Variants in OSBPL9 observed in about 807,000 individuals in gnomAD.
The protein encoded by OSBPL9 is oxysterol binding protein like 9.
In OSBPL9, 40 loss-of-function variants were observed where a neutral mutation model predicts 106.6. The ratio of observed to expected loss-of-function variants is 0.38; its 90% CI spans 0.29 to 0.49. The LOEUF (loss-of-function observed/expected upper bound fraction) is 0.49. OSBPL9 is among the 20% of genes least tolerant of loss of function. The pLI is 0.97. For synonymous variants in OSBPL9, 269 were observed against 295.4 expected (o/e 0.91, Z 0.92); for missense variants, 609 against 887.2 (o/e 0.69, Z 3.98).
At chr1:51,665,725 A>G (rs929979268) in intron 2 of OSBPL9, among the ~76,000 whole-genome samples, 1 of 152,194 alleles carries the variant, frequency 6.6e-6, no homozygotes, top group African/African-American at 2.4e-5. Flanking sequence ...TCGAGTCTTC[A>G]AAGAAGCCTT....
rs1171732729 is a variant in OSBPL9 at position 51,784,316 on chromosome 1, T to C, written c.1677T>C (p.Asn559=). 4.3e-6 allele frequency: 7 copies of C among 1,613,772 alleles called. No individual in the cohort carries two copies. The highest frequency in any genetic ancestry group is 5.9e-6 in the Non-Finnish European group (7 of 1,179,740). ...YDEHYILTFP[N]GYGRSILTVP... is the part of the protein sequence containing the mutation. ...AACATTACATTCTCACATTCCCCAA[T>C]GGCTATGGAAGGCAAGTGTGTCCAT... Residue 559 remains asparagine, a synonymous_variant, in exon 19 of 24, where the codon AAT becomes AAC. Transcript: ENST00000428468.
chr1:51,760,513 T>G, intron 9 of OSBPL9, 177 bp from the exon 10 acceptor site: 2 of 820,254 alleles, frequency 2.4e-6, no homozygotes, highest in Non-Finnish European at 3.5e-6. Context: ...CTTACTATGC[T>G]TTAAGCAACT....
chr1:51,537,126 C>T, the OSBPL9 span, among the ~76,000 whole-genome samples: 1 of 152,212 alleles, frequency 6.6e-6, no homozygotes, highest in South Asian at 2.1e-4. Flanking sequence ...TGGCATTCTA[C>T]TGTAAGCAAG....
the OSBPL9 span, among the ~76,000 whole-genome samples, chr1:51,571,045 T>C: frequency 6.6e-6 from 1 of 152,148 alleles, no homozygotes; most frequent in Non-Finnish European, 1.5e-5. Context: ...GGTCTCGAAC[T>C]CCTGACAGGC....
At chr1:51,597,379 A>G (rs956282114) in intron 1 of OSBPL9, among the ~76,000 whole-genome samples, 1 of 151,336 alleles carries the variant, frequency 6.6e-6, no homozygotes. Context: ...ATTAACCTGC[A>G]TCAATCAGAG....
intron 1 of OSBPL9, among the ~76,000 whole-genome samples, chr1:51,597,480 G>A: frequency 1.4e-5 from 2 of 142,006 alleles, no homozygotes; most frequent in South Asian, 2.2e-4. Flanking sequence ...CACACACAAA[G>A]GATAGATTGT....
At chr1:51,576,515 G>T (rs879594911), upstream of OSBPL9, among the ~76,000 whole-genome samples, 2 of 151,960 alleles carry the variant, frequency 1.3e-5, no homozygotes, top group South Asian at 2.1e-4. Context: ...TGTTTTTAGG[G>T]TTTTTTTGGG....
intron 8 of OSBPL9, among the ~76,000 whole-genome samples, chr1:51,752,071 G>T (rs570857878): frequency 2.6e-5 from 4 of 152,130 alleles, no homozygotes; most frequent in African/African-American, 9.6e-5. Context: ...AAATGAGACC[G>T]TGTCACTTGC....
chr1:51,537,383 T>C, the OSBPL9 span, among the ~76,000 whole-genome samples: 1 of 152,148 alleles, frequency 6.6e-6, no homozygotes, highest in Admixed American at 6.6e-5. Context: ...CACTGCCTAG[T>C]CCTGAAAATC....
chr1:51,568,434 G>A, the OSBPL9 span, among the ~76,000 whole-genome samples: 29 of 152,150 alleles, frequency 1.9e-4, no homozygotes, highest in African/African-American at 7.0e-4. Flanking sequence ...AACAGAGCCT[G>A]GGGCCCTTTA....
At chr1:51,518,998 C>A in the OSBPL9 span, among the ~76,000 whole-genome samples, 1 of 151,138 alleles carries the variant, frequency 6.6e-6, no homozygotes, top group Non-Finnish European at 1.5e-5. Context: ...TGGGCGAGGT[C>A]GCGGCGGCCG....
intron 1 of OSBPL9, among the ~76,000 whole-genome samples, chr1:51,630,666 T>C (rs1286891822): frequency 6.6e-6 from 1 of 152,220 alleles, no homozygotes; most frequent in Non-Finnish European, 1.5e-5. Flanking sequence ...TTATAAACAC[T>C]GTACATTTAG....
At chr1:51,767,042 G>A (rs1672710118) in intron 12 of OSBPL9, among the ~76,000 whole-genome samples, 1 of 151,998 alleles carries the variant, frequency 6.6e-6, no homozygotes, top group South Asian at 2.1e-4. Flanking sequence ...TCACACCACT[G>A]CACTCTAGCC....
intron 1 of OSBPL9, among the ~76,000 whole-genome samples, chr1:51,644,828 ATCAAC>A (rs1646046289): frequency 6.6e-6 from 1 of 152,174 alleles, no homozygotes; most frequent in African/African-American, 2.4e-5. Flanking sequence ...CAGTTCTTGT[ATCAAC>A]TCCTTGAAGA....
chr1:51,663,766 C>G (rs946057191), intron 2 of OSBPL9, among the ~76,000 whole-genome samples: 2 of 152,066 alleles, frequency 1.3e-5, no homozygotes, highest in African/African-American at 2.4e-5. Flanking sequence ...GGGCTCATAC[C>G]CATGATATAG....
intron 11 of OSBPL9, among the ~76,000 whole-genome samples, chr1:51,762,258 A>T (rs375275268): frequency 3.2e-4 from 48 of 152,230 alleles, no homozygotes; most frequent in Non-Finnish European, 6.3e-4. Context: ...ATCAGGGCTC[A>T]CTGTAGTTTT....
intron 2 of OSBPL9, among the ~76,000 whole-genome samples, chr1:51,658,012 G>A (rs952670199): frequency 2.0e-5 from 3 of 152,008 alleles, no homozygotes; most frequent in Admixed American, 6.6e-5. Context: ...GGAGGCTGAG[G>A]TGGGAGGATC....
chr1:51,539,798 A>G, the OSBPL9 span, among the ~76,000 whole-genome samples: 1 of 152,206 alleles, frequency 6.6e-6, no homozygotes, highest in Non-Finnish European at 1.5e-5. Flanking sequence ...CTTATCTGCC[A>G]CACTATGCTA....
intron 2 of OSBPL9, among the ~76,000 whole-genome samples, chr1:51,598,541 C>A (rs894681658): frequency 6.6e-6 from 1 of 152,234 alleles, no homozygotes; most frequent in East Asian, 1.9e-4. Context: ...GTAAGTAGCA[C>A]TCCCCAACCC....
Sources: allele counts gnomAD v4.1 joint callset (sites outside exome capture counted in the v4.1 genomes callset), GRCh38; gene constraint gnomAD v4.1.1; transcripts MANE v1.5; gene names NCBI Gene and HGNC (gene_info 2026-07-23, HGNC 2026-07-21).